Variants in EPHA2 observed in about 807,000 individuals in gnomAD.
EPHA2 encodes ephrin type-A receptor 2.
EPHA2 carries 54 observed loss-of-function variants against 104.9 expected under a neutral mutation model. The observed-to-expected ratio is 0.51, with a 90% CI of 0.41 to 0.65. EPHA2 has a LOEUF of 0.65. Ranked by LOEUF, EPHA2 falls within the 30% of genes least tolerant of loss-of-function variation. The pLI is 0.00. For synonymous variants in EPHA2, 560 were observed against 559.1 expected (o/e 1.00, Z -0.02); for missense variants, 1,117 against 1,369.5 (o/e 0.82, Z 2.91).
In EPHA2 at chr1:16,125,687, G is replaced by A. The variant is rs1313711719; in HGVS notation, c.2826-367C>T. ...CAGATTAGAGAACTGAGGTCAGAGAGGTAAAGTGACTTGCCTGAAGTCACA... is the reference window on the plus strand; with the variant it reads ...CAGATTAGAGAACTGAGGTCAGAGAAGTAAAGTGACTTGCCTGAAGTCACA... On this transcript the variant is annotated intron_variant, in intron 16 of 16. Transcript: ENST00000358432. This position sits in a 1 kb window ranked among gnomAD's most constrained non-coding sequence, Gnocchi z 4.9. Among the ~76,000 whole-genome samples the A allele has an allele frequency of 2.0e-5, 3 of 152,178 alleles. No individual in the cohort carries two copies. Among genetic ancestry groups the A allele is most frequent in the Admixed American group, 1.3e-4 (2 of 15,284 alleles).
chr1:16,150,774 G>T lies in EPHA2; in HGVS notation c.153+122C>A. 8.8e-7 allele frequency: 1 copy of T among 1,130,648 alleles called. No individual in the cohort carries two copies. Among genetic ancestry groups the T allele is most frequent in the Non-Finnish European group, 1.3e-6 (1 of 757,164 alleles). The allele number at this position is 1,130,648 out of a possible 1,614,324, so 70.0% of individuals were successfully genotyped here. A position where few individuals can be genotyped will look rare whatever the true frequency, so the allele number is the denominator to read the frequency against. ...GTGAGAAGCTGGACCCTGAGCCTGA[G>T]ACCTGGCTGAGCTGCTGAATTGAAG... On this transcript the variant is annotated intron_variant, in intron 2 of 16. Transcript: ENST00000358432. This position sits in a 1 kb window ranked among gnomAD's most constrained non-coding sequence, Gnocchi z 4.8.
At chr1:16,143,158 TGATG>T (rs34028517) in intron 3 of EPHA2, among the ~76,000 whole-genome samples, 12 of 123,070 alleles carry the variant, frequency 9.8e-5, no homozygotes, top group South Asian at 5.9e-4. Flanking sequence ...AATGGATGGA[TGATG>T]GATGGATGGA....
At chr1:16,154,151 C>G (rs963319383) in intron 1 of EPHA2, among the ~76,000 whole-genome samples, 3 of 152,116 alleles carry the variant, frequency 2.0e-5, no homozygotes, top group African/African-American at 4.8e-5. Context: ...CCCCACCCCC[C>G]CATGGGCAGC....
intron 3 of EPHA2, among the ~76,000 whole-genome samples, chr1:16,142,919 C>T (rs1308743812): frequency 2.0e-5 from 2 of 98,504 alleles, no homozygotes; most frequent in East Asian, 3.5e-4. Flanking sequence ...GGTGGGTGGA[C>T]GGATGGATGA....
At chr1:16,141,677 C>T (rs1016151786) in intron 3 of EPHA2, among the ~76,000 whole-genome samples, 1 of 152,240 alleles carries the variant, frequency 6.6e-6, no homozygotes, top group African/African-American at 2.4e-5. Context: ...CCTCACAATG[C>T]CCCGACTCCC....
rs747103339 is a variant in EPHA2 at position 16,138,319 on chromosome 1, C to T, written c.935G>A (p.Gly312Asp). ...TGGGTCCTGAGGTGCCCGGAAGAAG[C>T]CTTCCTCACACTCGCAGGAGGTGGC... ...EGATSCECEE[G>D]FFRAPQDPAS... The change falls in exon 4 of 17, where the codon GGC becomes GAC. Residue 312 changes from glycine to aspartate, a missense_variant. Gly to Asp is a moderately conservative substitution (Grantham distance 94, BLOSUM62 -1). Around this residue, in one of 3 missense-constraint regions of EPHA2, gnomAD observed 664 missense variants for 784.8 expected, o/e 0.85. Coordinates refer to ENST00000358432, the MANE Select transcript of EPHA2 (RefSeq NM_004431.5). The T allele has an allele frequency of 1.2e-6, 2 of 1,613,728 alleles. No individual in the cohort carries two copies. The highest frequency in any genetic ancestry group is 2.2e-5 in the East Asian group (1 of 44,870).
In EPHA2 at chr1:16,129,596, C is replaced by A. The variant is rs981415932; in HGVS notation, c.2670-7G>T. 1.2e-6 allele frequency: 2 copies of A among 1,607,286 alleles called. No individual in the cohort carries two copies. The highest frequency in any genetic ancestry group is 1.7e-6 in the Non-Finnish European group (2 of 1,178,572). On this transcript the variant is annotated splice_polypyrimidine_tract_variant and splice_region_variant and intron_variant, in intron 15 of 16. Coordinates refer to ENST00000358432, the MANE Select transcript of EPHA2 (RefSeq NM_004431.5). ...GGGGAGCCGGATAGACACGCTGCAACAGGAAGCACTGCAGGTGAGGGGCTG... is the reference window on the plus strand; with the variant it reads ...GGGGAGCCGGATAGACACGCTGCAAAAGGAAGCACTGCAGGTGAGGGGCTG...
chr1:16,125,373 G>C lies in EPHA2; in HGVS notation c.2826-53C>G. 3.1e-6 allele frequency: 3 copies of C among 983,512 alleles called. No individual in the cohort carries two copies. The highest frequency in any genetic ancestry group is 1.5e-6 in the Non-Finnish European group (1 of 665,962). 60.9% of individuals were successfully genotyped at this position (983,512 alleles called of 1,614,324 possible). On this transcript the variant is annotated intron_variant, in intron 16 of 16. Transcript: ENST00000358432. The surrounding 1 kb of genome is among the most constrained non-coding windows in gnomAD (Gnocchi z 4.9). ...GTTAGGGGCTGGAGCAGGGGAGGGG[G>C]CCGGGCTGGGTGGGGACAGGACTCG...
chr1:16,149,825 C>G (rs1200583768), intron 2 of EPHA2, among the ~76,000 whole-genome samples: 2 of 152,218 alleles, frequency 1.3e-5, no homozygotes, highest in Non-Finnish European at 1.5e-5. Context: ...GAGTCTGCAT[C>G]TAATTCACCT....
Position 16,130,218 on chromosome 1 carries a change from GA to G in EPHA2, c.2669+7del. On this transcript the variant is annotated splice_region_variant and intron_variant, in intron 15 of 16. Transcript: ENST00000358432. This position sits in a 1 kb window ranked among gnomAD's most constrained non-coding sequence, Gnocchi z 4.5. ...GAGGTCATCATGGGCAGAGGGCATA[GA>G]ACTCACCGGGGGTCAAAGTCAGCCA... 6.2e-7 allele frequency: 1 copy of G among 1,614,156 alleles called. No individual in the cohort carries two copies. Among genetic ancestry groups the G allele is most frequent in the Non-Finnish European group, 8.5e-7 (1 of 1,180,012 alleles).
intron 3 of EPHA2, among the ~76,000 whole-genome samples, chr1:16,142,372 T>A (rs11260758): frequency 0.061 from 9,230 of 152,302 alleles, 920 homozygotes; most frequent in African/African-American, 0.21. Context: ...TATTCCTGCA[T>A]GTATCAGGAG....
rs746296877 is a variant in EPHA2, at chr1:16,125,209, C to T, written c.*6G>A. 7.4e-6 allele frequency: 12 copies of T among 1,613,136 alleles called. No individual in the cohort carries two copies. The highest frequency in any genetic ancestry group is 1.6e-4 in the Middle Eastern group (1 of 6,082). On this transcript the variant is annotated 3_prime_UTR_variant, in exon 17 of 17. Transcript: ENST00000358432. The surrounding 1 kb of genome is among the most constrained non-coding windows in gnomAD (Gnocchi z 4.9). ...TGGCCGATGGGGCTCCAGGCCCTGT[C>T]GAGGCTCAGATGGGGATCCCCACAG...
In EPHA2 at chr1:16,138,397, G is replaced by A. The variant is rs1194835828; in HGVS notation, c.857C>T (p.Ser286Phe). ...CSPGFFKFEA[S>F]ESPCLECPEH... ...AGGGCACTCCAAGCAGGGGCTCTCA[G>A]ATGCCTCAAACTTAAAAAATCCAGG... Residue 286 changes from serine (S) to phenylalanine (F), a missense_variant, in exon 4 of 17, where the codon TCT becomes TTT. Physicochemically the swap from Ser to Phe is radical, Grantham distance 155 (BLOSUM62 -2). Coordinates refer to ENST00000358432, the MANE Select transcript of EPHA2 (RefSeq NM_004431.5). The A allele has an allele frequency of 6.2e-7, 1 of 1,613,862 alleles. No homozygotes were observed. The highest frequency in any genetic ancestry group is 8.5e-7 in the Non-Finnish European group (1 of 1,180,016).
At chr1:16,127,292 T>A (rs2024488378) in intron 16 of EPHA2, among the ~76,000 whole-genome samples, 1 of 152,030 alleles carries the variant, frequency 6.6e-6, no homozygotes, top group Non-Finnish European at 1.5e-5. Flanking sequence ...AGGATGCAAA[T>A]GCTGTAGTCC....
Position 16,128,237 on chromosome 1 carries a change from G to A in EPHA2, c.2825+1197C>T, listed in dbSNP as rs1228776935. On this transcript the variant is annotated intron_variant, in intron 16 of 16. Coordinates refer to ENST00000358432, the MANE Select transcript of EPHA2 (RefSeq NM_004431.5). The surrounding 1 kb of genome is among the most constrained non-coding windows in gnomAD (Gnocchi z 4.7). ...AGATGCGGGACTTGAACCCAGGTAT[G>A]TGTGCAGAGCCCAAGCCTGTGGCCC... 6.6e-6 allele frequency among the ~76,000 whole-genome samples: 1 copy of A among 152,232 alleles called. No individual in the cohort carries two copies. The highest frequency in any genetic ancestry group is 1.5e-5 in the Non-Finnish European group (1 of 68,038).
chr1:16,131,754 G>A lies in EPHA2; in HGVS notation c.2442C>T (p.Gly814=), dbSNP rs753454907. 1.2e-6 allele frequency: 2 copies of A among 1,614,066 alleles called. No individual in the cohort carries two copies. Among genetic ancestry groups the A allele is most frequent in the Non-Finnish European group, 1.7e-6 (2 of 1,180,020 alleles). The part of the protein sequence containing the change: ...GIVMWEVMTY[G]ERPYWELSNH... Reference sequence around the variant, plus strand: ...TGGACAACTCCCAGTAGGGCCGCTCGCCATAGGTCATCACCTCCCACATGA... The same window carrying A: ...TGGACAACTCCCAGTAGGGCCGCTCACCATAGGTCATCACCTCCCACATGA... Residue 814 remains glycine, a synonymous_variant, in exon 14 of 17, where the codon GGC becomes GGT. Transcript: ENST00000358432. The surrounding 1 kb of genome is among the most constrained non-coding windows in gnomAD (Gnocchi z 5.2).
intron 4 of EPHA2, 32 bp from the exon 5 acceptor site, chr1:16,138,217 G>A (rs1205553793): frequency 1.2e-6 from 2 of 1,611,688 alleles, no homozygotes. Flanking sequence ...GTGCTGTGCT[G>A]GACCCAGGCG....
chr1:16,142,821 G>A (rs1311298086), intron 3 of EPHA2, among the ~76,000 whole-genome samples: 1 of 150,770 alleles, frequency 6.6e-6, no homozygotes, highest in Non-Finnish European at 1.5e-5. Flanking sequence ...ATGCGGGATG[G>A]ATAGGTGGAT....
chr1:16,144,927 T>C (rs1160877067), intron 3 of EPHA2, among the ~76,000 whole-genome samples: 2 of 152,216 alleles, frequency 1.3e-5, no homozygotes, highest in African/African-American at 4.8e-5. Context: ...GCTTATGAGA[T>C]GTCCAGCATG....
Sources: gnomAD v4.1 joint callset for allele counts (sites outside exome capture counted in the v4.1 genomes callset) on GRCh38, gnomAD v4.1.1 for gene constraint, gnomAD v4.1.1 regional missense constraint, Gnocchi (gnomAD v3.1) non-coding constraint, MANE v1.5 for transcripts, NCBI Gene and HGNC (gene_info 2026-07-23, HGNC 2026-07-21) for gene names.